PTPN1: variants seen among roughly 807,000 people sequenced by gnomAD.
The protein encoded by PTPN1 is protein tyrosine phosphatase non-receptor type 1, also known as tyrosine-protein phosphatase non-receptor type 1.
Under a neutral mutation model 59.9 loss-of-function variants are expected in PTPN1, and 12 were observed. The observed-to-expected ratio is 0.20, with a 90% CI of 0.13 to 0.32. The LOEUF is 0.32. Among genes scored for constraint, PTPN1 ranks in the 10% least tolerant of loss-of-function variants. PTPN1 has a pLI of 1.00. For missense variants in PTPN1, 356 were observed against 549.2 expected, an observed-to-expected ratio of 0.65 and a Z score of 3.52; for synonymous variants, 178 against 203.6, an observed-to-expected ratio of 0.87 and a Z score of 1.07.
rs34340184 is a variant in PTPN1, at chr20:50,510,454, G to T, written c.-74G>T. 3 of 1,510,918 alleles carry T rather than the reference G, an allele frequency of 2.0e-6. No individual in the cohort carries two copies. The highest frequency in any genetic ancestry group is 1.2e-5 in the South Asian group (1 of 82,024). The allele number at this position is 1,510,918 out of a possible 1,614,324, so 93.6% of individuals were successfully genotyped here. On this transcript the variant is annotated 5_prime_UTR_variant, in exon 1 of 10. Coordinates refer to ENST00000371621, the MANE Select transcript of PTPN1 (RefSeq NM_002827.4). Reference sequence around the variant, plus strand: ...GGATTGCAGCGGGCCTCGGGGCTAAGAGCGCGACGCGGCCTAGAGCGGCAG... The same window carrying T: ...GGATTGCAGCGGGCCTCGGGGCTAATAGCGCGACGCGGCCTAGAGCGGCAG...
At chr20:50,555,251 T>C (rs1413891414) in intron 1 of PTPN1, among the ~76,000 whole-genome samples, 1 of 152,162 alleles carries the variant, frequency 6.6e-6, no homozygotes, top group Non-Finnish European at 1.5e-5. Context: ...AAATTAACAG[T>C]ATCAGGAAGA....
chr20:50,572,471 G>C (rs1355038001), intron 4 of PTPN1: 1 of 152,216 alleles, frequency 6.6e-6, no homozygotes, highest in Admixed American at 6.5e-5. Context: ...CACTTGTACA[G>C]TTCCAAAGTC....
At chr20:50,514,818 G>T (rs1185406699) in intron 1 of PTPN1, among the ~76,000 whole-genome samples, 1 of 152,166 alleles carries the variant, frequency 6.6e-6, no homozygotes, top group Non-Finnish European at 1.5e-5. Flanking sequence ...TTCTAGCTGG[G>T]TCATTGTTCC....
chr20:50,570,438 T>C (rs1004162462), intron 4 of PTPN1, among the ~76,000 whole-genome samples: 1 of 152,222 alleles, frequency 6.6e-6, no homozygotes, highest in African/African-American at 2.4e-5. Flanking sequence ...ATGTATCTTG[T>C]CTTAGAAAAA....
intron 1 of PTPN1, among the ~76,000 whole-genome samples, chr20:50,532,337 G>GTGTC (rs2082605068): frequency 2.0e-5 from 3 of 152,322 alleles, no homozygotes; most frequent in Admixed American, 2.0e-4. Context: ...TATTTACAGA[G>GTGTC]TGTCCCCTTA....
At chr20:50,525,839 TA>T (rs1305407854) in intron 1 of PTPN1, among the ~76,000 whole-genome samples, 1 of 152,102 alleles carries the variant, frequency 6.6e-6, no homozygotes, top group Admixed American at 6.5e-5. Context: ...GAAGTAGATA[TA>T]TGGGGTAAAA....
chr20:50,517,215 C>G (rs1255101108), intron 1 of PTPN1, among the ~76,000 whole-genome samples: 1 of 152,102 alleles, frequency 6.6e-6, no homozygotes, highest in Non-Finnish European at 1.5e-5. Flanking sequence ...AAAATAATAC[C>G]AAGTACTTAT....
chr20:50,578,573 A>G lies in PTPN1; in HGVS notation c.646A>G (p.Ser216Gly). The change falls in exon 6 of 10, where the codon AGT becomes GGT. Residue 216 changes from serine to glycine, a missense_variant. Physicochemically the swap from Ser to Gly is moderately conservative, Grantham distance 56. Around this residue, in one of 3 missense-constraint regions of PTPN1, gnomAD observed 194 missense variants for 344.2 expected, o/e 0.56. Coordinates refer to ENST00000371621, the MANE Select transcript of PTPN1 (RefSeq NM_002827.4). The stretch of plus-strand genomic sequence containing the variant: ...GCACGGGCCCGTTGTGGTGCACTGC[A>G]GTGCAGGCATCGGCAGGTCTGGAAC... ...PEHGPVVVHC[S>G]AGIGRSGTFC... The G allele has an allele frequency of 6.2e-7, 1 of 1,614,236 alleles. No individual in the cohort carries two copies. Among genetic ancestry groups the G allele is most frequent in the Non-Finnish European group, 8.5e-7 (1 of 1,180,048 alleles).
chr20:50,514,512 C>T (rs1053099062), intron 1 of PTPN1, among the ~76,000 whole-genome samples: 1 of 151,972 alleles, frequency 6.6e-6, no homozygotes, highest in Non-Finnish European at 1.5e-5. Flanking sequence ...AATTTCTGTT[C>T]CTAGCACTGC....
At chr20:50,574,257 G>C (rs2082824843) in intron 4 of PTPN1, 1 of 442,272 alleles carries the variant, frequency 2.3e-6, no homozygotes, top group South Asian at 3.6e-5. Context: ...AGCCCTGCAG[G>C]ATCCCGTTGC....
intron 1 of PTPN1, among the ~76,000 whole-genome samples, chr20:50,554,584 A>T (rs970342775): frequency 6.6e-6 from 1 of 152,146 alleles, no homozygotes; most frequent in Non-Finnish European, 1.5e-5. Context: ...ATAGATAAAT[A>T]TGAAATATAT....
chr20:50,544,888 C>T lies in PTPN1; in HGVS notation c.64-16475C>T, dbSNP rs2082668156. The stretch of plus-strand genomic sequence containing the variant: ...GGGTGTGGTGGCACACACCTGTAAT[C>T]CCAGCTACTTGGAAGGCTGAGGCAT... On this transcript the variant is annotated intron_variant, in intron 1 of 9. Coordinates refer to ENST00000371621, the MANE Select transcript of PTPN1 (RefSeq NM_002827.4). 2.0e-5 allele frequency among the ~76,000 whole-genome samples: 3 copies of T among 152,264 alleles called. No homozygotes were observed. The South Asian group carries it at 6.2e-4, about 32-fold the overall frequency.
At chr20:50,517,831 G>A (rs933373378) in intron 1 of PTPN1, among the ~76,000 whole-genome samples, 1 of 152,150 alleles carries the variant, frequency 6.6e-6, no homozygotes, top group Non-Finnish European at 1.5e-5. Flanking sequence ...TTGAAGTAAA[G>A]TTTTGGGTCC....
At chr20:50,538,348 C>A (rs2082633255) in intron 1 of PTPN1, among the ~76,000 whole-genome samples, 1 of 151,866 alleles carries the variant, frequency 6.6e-6, no homozygotes, top group South Asian at 2.1e-4. Context: ...AGCACACTGA[C>A]CAGAAAGTCA....
In PTPN1 at chr20:50,574,354, C is replaced by G. The variant is rs1037287509; in HGVS notation, c.355-163C>G. 5.9e-6 allele frequency: 4 copies of G among 679,036 alleles called. No homozygotes were observed. In the Admixed American group the frequency reaches 1.2e-4, roughly 21 times the overall value. 42.1% of individuals were successfully genotyped at this position (679,036 alleles called of 1,614,324 possible). ...GGTCAGCAGCTTCGTGCCCCCACCC[C>G]CATCTCCCCATGAGGCAGGCATCTG... is the stretch of plus-strand genomic sequence containing the variant. On this transcript the variant is annotated intron_variant, in intron 4 of 9. Coordinates refer to ENST00000371621, the MANE Select transcript of PTPN1 (RefSeq NM_002827.4).
intron 4 of PTPN1, chr20:50,574,315 G>T (rs2082825251): frequency 1.9e-6 from 1 of 538,572 alleles, no homozygotes. Flanking sequence ...AGCCCTGTCT[G>T]CACAACCTGC....
intron 4 of PTPN1, 38 bp from the exon 5 acceptor site, chr20:50,574,479 T>C (rs757230978): frequency 1.0e-5 from 16 of 1,549,368 alleles, no homozygotes; most frequent in African/African-American, 1.4e-5. Context: ...AAAACTGCCA[T>C]ATTGCTCACA....
At chr20:50,570,077 G>A (rs1484677046) in intron 4 of PTPN1, among the ~76,000 whole-genome samples, 1 of 152,216 alleles carries the variant, frequency 6.6e-6, no homozygotes, top group East Asian at 1.9e-4. Context: ...AGAAGGTGAG[G>A]GCTCCAGAGA....
chr20:50,526,361 G>A (rs1191834432), intron 1 of PTPN1, among the ~76,000 whole-genome samples: 2 of 152,062 alleles, frequency 1.3e-5, no homozygotes, highest in Admixed American at 1.3e-4. Context: ...GATTACAGGT[G>A]TGAGCCACCA....
Sources: allele counts gnomAD v4.1 joint callset (sites outside exome capture counted in the v4.1 genomes callset), GRCh38; gene constraint gnomAD v4.1.1; regional missense constraint gnomAD v4.1.1; transcripts MANE v1.5; gene names NCBI Gene and HGNC (gene_info 2026-07-23, HGNC 2026-07-21).